The following DAB1 variants were observed in gnomAD, a reference collection of about 807,000 sequenced individuals.
DAB1 encodes disabled homolog 1.
Under a neutral mutation model 64.6 loss-of-function variants are expected in DAB1, and 15 were observed. The ratio of observed to expected loss-of-function variants is 0.23; its 90% CI spans 0.16 to 0.36. The LOEUF (loss-of-function observed/expected upper bound fraction) is 0.36. Ranked by LOEUF, DAB1 falls within the 10% of genes least tolerant of loss-of-function variation. The pLI is 1.00. For missense variants in DAB1, 596 were observed against 706.7 expected (o/e 0.84, Z 1.78); for synonymous variants, 235 against 251.9 (o/e 0.93, Z 0.64).
Position 57,291,144 on chromosome 1 carries a change from A to C in DAB1, c.-114T>G. ...TCAGAAATGACACTCTGAGCTGCACATTTCATTCACTCTTTTTGAGTGCTG... is the reference window on the plus strand; with the variant it reads ...TCAGAAATGACACTCTGAGCTGCACCTTTCATTCACTCTTTTTGAGTGCTG... On this transcript the variant is annotated 5_prime_UTR_variant, in exon 2 of 15. It removes an upstream start codon present in the reference 5' UTR. Coordinates refer to ENST00000371236, the MANE Select transcript of DAB1 (RefSeq NM_001365792.1). The C allele has an allele frequency of 1.8e-6, 1 of 564,640 alleles. No homozygotes were observed. Among genetic ancestry groups the C allele is most frequent in the South Asian group, 3.3e-5 (1 of 30,524 alleles). The allele number at this position is 564,640 out of a possible 1,614,324, so 35.0% of individuals were successfully genotyped here.
intron 4 of DAB1, among the ~76,000 whole-genome samples, chr1:58,331,792 A>G (rs1156294383): frequency 4.6e-5 from 7 of 152,242 alleles, no homozygotes; most frequent in African/African-American, 1.7e-4. Flanking sequence ...TAGTGTAAAC[A>G]TAACTTTTAT....
intron 3 of DAB1, among the ~76,000 whole-genome samples, chr1:58,349,802 G>C (rs907133239): frequency 6.6e-6 from 1 of 152,004 alleles, no homozygotes; most frequent in Non-Finnish European, 1.5e-5. Context: ...CCTTTTTGTG[G>C]CTGCATAGTA....
chr1:57,750,921 G>A (rs1648521170), intron 6 of DAB1, among the ~76,000 whole-genome samples: 1 of 152,154 alleles, frequency 6.6e-6, no homozygotes, highest in African/African-American at 2.4e-5. Flanking sequence ...ACTGATGTCA[G>A]AAGTCTCAGG....
intron 6 of DAB1, among the ~76,000 whole-genome samples, chr1:57,777,817 T>C (rs543917212): frequency 6.6e-6 from 1 of 152,236 alleles, no homozygotes; most frequent in East Asian, 1.9e-4. Flanking sequence ...TCTTCACATG[T>C]CCCGTCATTT....
chr1:57,000,333 C>A (rs115645563), intron 14 of DAB1, among the ~76,000 whole-genome samples: 3 of 152,066 alleles, frequency 2.0e-5, no homozygotes, highest in Non-Finnish European at 4.4e-5. Context: ...TGTGAGCCAC[C>A]GCGCCAGGCC....
At chr1:57,140,388 T>G (rs1193278854) in intron 3 of DAB1, among the ~76,000 whole-genome samples, 1 of 152,140 alleles carries the variant, frequency 6.6e-6, no homozygotes, top group African/African-American at 2.4e-5. Context: ...TCCTAGAACC[T>G]AAAGGGGCTA....
intron 7 of DAB1, among the ~76,000 whole-genome samples, chr1:57,488,669 T>C (rs547519361): frequency 6.6e-6 from 1 of 151,810 alleles, no homozygotes. Context: ...AGAGTGCAAT[T>C]CTATCTCAAA....
chr1:58,184,604 T>C (rs1290471350), intron 4 of DAB1, among the ~76,000 whole-genome samples: 3 of 152,134 alleles, frequency 2.0e-5, no homozygotes, highest in Non-Finnish European at 2.9e-5. Flanking sequence ...TAAAATAGTG[T>C]TCTGTTCTTT....
At chr1:57,531,017 C>A (rs1025221535) in intron 7 of DAB1, among the ~76,000 whole-genome samples, 1 of 152,134 alleles carries the variant, frequency 6.6e-6, no homozygotes, top group Non-Finnish European at 1.5e-5. Flanking sequence ...GAGAGACTTA[C>A]TTTTGATTTA....
intron 4 of DAB1, among the ~76,000 whole-genome samples, chr1:58,228,049 G>T (rs756333172): frequency 3.9e-5 from 6 of 152,192 alleles, no homozygotes; most frequent in Non-Finnish European, 8.8e-5. Flanking sequence ...ACTGGTTTCA[G>T]AAGACTTGGT....
chr1:57,519,101 G>A (rs1287683671), intron 7 of DAB1, among the ~76,000 whole-genome samples: 3 of 152,172 alleles, frequency 2.0e-5, no homozygotes, highest in African/African-American at 4.8e-5. Flanking sequence ...AATAGTCCCT[G>A]TGATAATGGC....
intron 7 of DAB1, among the ~76,000 whole-genome samples, chr1:57,590,994 T>C (rs957191573): frequency 3.3e-5 from 5 of 152,224 alleles, no homozygotes; most frequent in African/African-American, 1.2e-4. Flanking sequence ...CAAGAATTTA[T>C]TTTTTTAAAT....
chr1:57,191,774 G>A (rs1481658722), intron 2 of DAB1, among the ~76,000 whole-genome samples: 2 of 152,052 alleles, frequency 1.3e-5, no homozygotes, highest in African/African-American at 4.8e-5. Context: ...ATGGAGTAGG[G>A]AGACAGACTT....
At chr1:58,451,783 T>C (rs763139071) in intron 3 of DAB1, among the ~76,000 whole-genome samples, 9 of 151,950 alleles carry the variant, frequency 5.9e-5, no homozygotes, top group South Asian at 2.1e-4. Context: ...AATGGAGCAA[T>C]AGAAAACAAA....
intron 4 of DAB1, among the ~76,000 whole-genome samples, chr1:58,219,160 C>G (rs1659025796): frequency 6.6e-6 from 1 of 152,052 alleles, no homozygotes; most frequent in Non-Finnish European, 1.5e-5. Context: ...AAGGCTCCTC[C>G]TCTGTCTACG....
intron 6 of DAB1, among the ~76,000 whole-genome samples, chr1:57,727,962 T>C (rs917353416): frequency 2.0e-5 from 3 of 152,114 alleles, no homozygotes; most frequent in African/African-American, 7.2e-5. Flanking sequence ...CAGACAGATG[T>C]AGGAGGAAGA....
intron 7 of DAB1, among the ~76,000 whole-genome samples, chr1:57,504,653 T>A (rs1360696454): frequency 6.6e-6 from 1 of 152,194 alleles, no homozygotes; most frequent in Non-Finnish European, 1.5e-5. Flanking sequence ...TTCATACTCC[T>A]TAAGTGTGGG....
At chr1:57,733,282 T>C (rs1160450875) in intron 6 of DAB1, among the ~76,000 whole-genome samples, 1 of 151,906 alleles carries the variant, frequency 6.6e-6, no homozygotes, top group Admixed American at 6.6e-5. Context: ...TACTTGCTAA[T>C]GTACTATATA....
At chr1:57,331,638 G>A (rs902083490) in intron 1 of DAB1, among the ~76,000 whole-genome samples, 43 of 152,234 alleles carry the variant, frequency 2.8e-4, no homozygotes, top group African/African-American at 9.6e-4. Context: ...GCTAGGGTTG[G>A]TCATGTGCCC....
Sources: gnomAD v4.1 joint callset for allele counts (sites outside exome capture counted in the v4.1 genomes callset) on GRCh38, gnomAD v4.1.1 for gene constraint, MANE v1.5 for transcripts, NCBI Gene and HGNC (gene_info 2026-07-23, HGNC 2026-07-21) for gene names.